The following ASTN2 variants were observed in gnomAD, a reference collection of about 807,000 sequenced individuals.
ASTN2 encodes astrotactin-2.
In ASTN2, 54 loss-of-function variants were observed where a neutral mutation model predicts 139.8. That is an observed-to-expected ratio of 0.39 (90% CI 0.31 to 0.48). The LOEUF (loss-of-function observed/expected upper bound fraction) is 0.48, where lower values mean the gene tolerates loss of function less well. ASTN2 is among the 20% of genes least tolerant of loss of function. The pLI is 0.95. For synonymous variants in ASTN2, 756 were observed against 719.5 expected (o/e 1.05, Z -0.81); for missense variants, 1,565 against 1,725.1 (o/e 0.91, Z 1.64).
intron 16 of ASTN2, among the ~76,000 whole-genome samples, chr9:116,668,877 A>G (rs1377728262): frequency 6.6e-6 from 1 of 152,214 alleles, no homozygotes; most frequent in South Asian, 2.1e-4. Context: ...CAGTGAAGAC[A>G]GGGAGGTAGG....
In ASTN2 at chr9:116,993,876, A is replaced by ATATATATATT. The variant is rs1030120382; in HGVS notation, c.1591+14215_1591+14216insAATATATATA. Among the ~76,000 whole-genome samples the ATATATATATT allele has an allele frequency of 4.8e-3, 677 of 142,020 alleles. 2 individuals are homozygous for ATATATATATT. Among genetic ancestry groups the ATATATATATT allele is most frequent in the African/African-American group, 0.013 (493 of 38,834 alleles). 93.2% of individuals were successfully genotyped at this position (142,020 alleles called of 152,430 possible). A position where few individuals can be genotyped will look rare whatever the true frequency, so the allele number is the denominator to read the frequency against. ...ATGATATATATATATATATATATAT[A>ATATATATATT]TTTTAACTATATTACTATATATATT... On this transcript the variant is annotated intron_variant, in intron 7 of 22. Transcript: ENST00000313400.
chr9:116,658,152 A>G (rs1280919760), intron 16 of ASTN2, among the ~76,000 whole-genome samples: 1 of 152,062 alleles, frequency 6.6e-6, no homozygotes, highest in Non-Finnish European at 1.5e-5. Context: ...TGGAGTCTTC[A>G]GCACCCTAGC....
At chr9:117,130,594 A>G (rs1487055060) in intron 4 of ASTN2, among the ~76,000 whole-genome samples, 2 of 152,038 alleles carry the variant, frequency 1.3e-5, no homozygotes, top group Admixed American at 1.3e-4. Flanking sequence ...ATGAATCTTA[A>G]TTTTTTAAAA....
chr9:116,925,728 G>A (rs1834734622), intron 10 of ASTN2, among the ~76,000 whole-genome samples: 2 of 151,934 alleles, frequency 1.3e-5, no homozygotes, highest in Non-Finnish European at 2.9e-5. Context: ...TGAACATATT[G>A]TAGGCTGTGA....
At chr9:117,373,063 G>T (rs948501507) in intron 1 of ASTN2, among the ~76,000 whole-genome samples, 1 of 152,108 alleles carries the variant, frequency 6.6e-6, no homozygotes, top group African/African-American at 2.4e-5. Flanking sequence ...ATGGGGCAAG[G>T]TTCATTGCTG....
chr9:117,315,723 C>G (rs1314606687), intron 1 of ASTN2, among the ~76,000 whole-genome samples: 1 of 152,184 alleles, frequency 6.6e-6, no homozygotes, highest in Non-Finnish European at 1.5e-5. Flanking sequence ...TTCAGCCCAT[C>G]ATAGAATGGG....
chr9:117,160,199 C>G (rs1213186921), intron 3 of ASTN2, among the ~76,000 whole-genome samples: 1 of 151,984 alleles, frequency 6.6e-6, no homozygotes, highest in Non-Finnish European at 1.5e-5. Flanking sequence ...GTAATCCAAG[C>G]TATTAAATAA....
rs547831626 is a variant in ASTN2 at position 116,748,342 on chromosome 9, TCTTAGTCCA to T, written c.2397-14828_2397-14820del. On this transcript the variant is annotated intron_variant, in intron 13 of 22. Coordinates refer to ENST00000313400, the MANE Select transcript of ASTN2 (RefSeq NM_001365068.1). ...CTGAGCTCCTTGATGAGGGGGCACC[TCTTAGTCCA>T]ACCCTCCTGCTCCAGCTCCAGCCTT... Among the ~76,000 whole-genome samples the T allele has an allele frequency of 8.5e-3, 1,298 of 152,208 alleles. 16 individuals carry two copies. Among genetic ancestry groups the T allele is most frequent in the African/African-American group, 0.03 (1,249 of 41,500 alleles).
At chr9:116,768,435 C>T (rs1245241621) in intron 13 of ASTN2, among the ~76,000 whole-genome samples, 3 of 152,128 alleles carry the variant, frequency 2.0e-5, no homozygotes, top group African/African-American at 4.8e-5. Context: ...TGTTTCTCTG[C>T]CTCCCTGACC....
intron 10 of ASTN2, among the ~76,000 whole-genome samples, chr9:116,939,516 G>C (rs985455903): frequency 1.3e-5 from 2 of 152,040 alleles, no homozygotes; most frequent in Non-Finnish European, 2.9e-5. Flanking sequence ...GTCTACCAAA[G>C]GGCTCATCAC....
chr9:116,476,578 G>C (rs907475912), intron 20 of ASTN2, among the ~76,000 whole-genome samples: 1 of 152,276 alleles, frequency 6.6e-6, no homozygotes, highest in East Asian at 1.9e-4. Context: ...ACTTTGGTTT[G>C]GTTAGTTCTG....
chr9:116,488,240 A>C (rs1000308126), intron 19 of ASTN2, among the ~76,000 whole-genome samples: 10 of 152,206 alleles, frequency 6.6e-5, no homozygotes, highest in Admixed American at 2.0e-4. Flanking sequence ...GTTTACTAGA[A>C]ACAGAACTAA....
intron 6 of ASTN2, among the ~76,000 whole-genome samples, chr9:117,012,346 C>A (rs1382274104): frequency 2.6e-5 from 4 of 152,210 alleles, no homozygotes; most frequent in Non-Finnish European, 5.9e-5. Flanking sequence ...AGTAGAGAGG[C>A]AGGTAGAGAA....
intron 20 of ASTN2, among the ~76,000 whole-genome samples, chr9:116,471,217 G>A (rs1020086040): frequency 2.0e-5 from 3 of 152,122 alleles, no homozygotes; most frequent in South Asian, 2.1e-4. Context: ...ACTCTTTGGA[G>A]GAGAGATTTC....
rs183069832 is a variant in ASTN2 at position 116,936,817 on chromosome 9, C to T, written c.1889+38391G>A. Among the ~76,000 whole-genome samples the T allele has an allele frequency of 6.6e-5, 10 of 152,118 alleles. No individual in the cohort carries two copies. In the East Asian group the frequency reaches 1.8e-3, roughly 27 times the overall value. On this transcript the variant is annotated intron_variant, in intron 10 of 22. Coordinates refer to ENST00000313400, the MANE Select transcript of ASTN2 (RefSeq NM_001365068.1). Reference sequence around the variant, plus strand: ...TCATTTACCAAAACTCTGCCCAAGGCTTGGCACACCTTGTTTATGTCTTTG... The same window carrying T: ...TCATTTACCAAAACTCTGCCCAAGGTTTGGCACACCTTGTTTATGTCTTTG...
At chr9:116,459,714 C>T (rs1316346246) in intron 20 of ASTN2, among the ~76,000 whole-genome samples, 1 of 151,918 alleles carries the variant, frequency 6.6e-6, no homozygotes, top group Non-Finnish European at 1.5e-5. Context: ...CCACTTCATA[C>T]CCACTAAAAT....
chr9:116,908,363 C>T (rs1834221677), intron 10 of ASTN2, among the ~76,000 whole-genome samples: 1 of 151,992 alleles, frequency 6.6e-6, no homozygotes. Flanking sequence ...GAAAAAAGAC[C>T]CACCTCACAG....
intron 1 of ASTN2, among the ~76,000 whole-genome samples, chr9:117,302,490 G>T (rs75306164): frequency 2.6e-5 from 4 of 152,030 alleles, no homozygotes; most frequent in Non-Finnish European, 1.5e-5. Flanking sequence ...AGCAGTATGC[G>T]GGACAAGGAG....
intron 10 of ASTN2, among the ~76,000 whole-genome samples, chr9:116,926,320 C>T (rs1184183550): frequency 2.0e-5 from 3 of 152,348 alleles, no homozygotes; most frequent in South Asian, 2.1e-4. Context: ...TTCCCTTAAT[C>T]GTTGCCACCC....
Sources: gnomAD v4.1 joint callset for allele counts (sites outside exome capture counted in the v4.1 genomes callset) on GRCh38, gnomAD v4.1.1 for gene constraint, MANE v1.5 for transcripts, NCBI Gene and HGNC (gene_info 2026-07-23, HGNC 2026-07-21) for gene names.